PARPBP: variants seen among roughly 807,000 people sequenced by gnomAD.
PARPBP encodes PARP1 binding protein, also known as PCNA-interacting partner.
Under a neutral mutation model 50.0 loss-of-function variants are expected in PARPBP, and 52 were observed. That is an observed-to-expected ratio of 1.04 (90% CI 0.83 to 1.31). PARPBP has a LOEUF of 1.31. PARPBP is among the 50% of genes most tolerant of loss of function. The pLI is 0.00. For missense variants in PARPBP, 697 were observed against 672.0 expected (o/e 1.04, Z -0.41); for synonymous variants, 244 against 232.1 (o/e 1.05, Z -0.47).
chr12:102,189,104 G>C (rs1308120746), intron 9 of PARPBP, among the ~76,000 whole-genome samples: 2 of 152,182 alleles, frequency 1.3e-5, no homozygotes, highest in African/African-American at 4.8e-5. Context: ...AAATAGGGTA[G>C]AAACAATATT....
At chr12:102,179,274 A>G (rs1889596858) in intron 8 of PARPBP, among the ~76,000 whole-genome samples, 1 of 152,236 alleles carries the variant, frequency 6.6e-6, no homozygotes, top group Non-Finnish European at 1.5e-5. Flanking sequence ...GAGAGAGCAC[A>G]TACACCAAAC....
chr12:102,173,602 T>A (rs1509676), intron 6 of PARPBP, among the ~76,000 whole-genome samples: 20,305 of 151,574 alleles, frequency 0.13, 1,472 homozygotes, highest in East Asian at 0.3. Flanking sequence ...GATTTTTTTT[T>A]AAAAAAAACT....
intron 2 of PARPBP, 95 bp from the exon 3 acceptor site, chr12:102,148,135 C>T: frequency 1.8e-6 from 1 of 545,688 alleles, no homozygotes; most frequent in Non-Finnish European, 3.1e-6. Context: ...TAGACTTTAC[C>T]AAAATTTAAT....
intron 1 of PARPBP, among the ~76,000 whole-genome samples, chr12:102,122,281 T>G (rs2136937151): frequency 6.6e-6 from 1 of 152,352 alleles, no homozygotes; most frequent in African/African-American, 2.4e-5. Context: ...CTTAGCTATT[T>G]ACTAGGATTT....
intron 9 of PARPBP, among the ~76,000 whole-genome samples, chr12:102,194,280 G>C (rs1171031475): frequency 1.3e-5 from 2 of 151,836 alleles, no homozygotes; most frequent in Non-Finnish European, 2.9e-5. Flanking sequence ...GTAATAATCA[G>C]GGTAATGTAG....
intron 6 of PARPBP, among the ~76,000 whole-genome samples, chr12:102,168,765 A>G (rs1888403829): frequency 6.6e-6 from 1 of 152,096 alleles, no homozygotes; most frequent in Non-Finnish European, 1.5e-5. Flanking sequence ...GAAAGTGGAT[A>G]ACCCATTTGG....
At chr12:102,123,802 C>G in intron 1 of PARPBP, 84 bp from the exon 2 acceptor site, 1 of 804,980 alleles carries the variant, frequency 1.2e-6, no homozygotes, top group East Asian at 2.8e-5. Flanking sequence ...ATGTTTTTCT[C>G]TATCTGTGCT....
intron 2 of PARPBP, among the ~76,000 whole-genome samples, chr12:102,141,395 G>C (rs1046411490): frequency 3.3e-5 from 5 of 151,850 alleles, no homozygotes; most frequent in Non-Finnish European, 7.4e-5. Context: ...ATGTGAGATG[G>C]GTCTCCTGAA....
intron 3 of PARPBP, among the ~76,000 whole-genome samples, chr12:102,153,288 T>C (rs1288432797): frequency 6.6e-6 from 1 of 152,118 alleles, no homozygotes; most frequent in African/African-American, 2.4e-5. Flanking sequence ...ACCTATGAGT[T>C]TTGGATGAGA....
At chr12:102,195,128 G>T (rs1378606545) in intron 9 of PARPBP, among the ~76,000 whole-genome samples, 184 bp from the exon 10 acceptor site, 1 of 151,532 alleles carries the variant, frequency 6.6e-6, no homozygotes, top group African/African-American at 2.4e-5. Flanking sequence ...AAAAATGCTA[G>T]CCATAACAAT....
chr12:102,153,787 A>G (rs899744172), intron 3 of PARPBP, 82 bp from the exon 4 acceptor site: 9 of 728,374 alleles, frequency 1.2e-5, no homozygotes, highest in South Asian at 6.5e-5. Flanking sequence ...TGAAACATCA[A>G]TGACACTGAG....
Position 102,175,661 on chromosome 12 carries a change from G to A in PARPBP, c.1000G>A (p.Ala334Thr). 6.3e-7 allele frequency: 1 copy of A among 1,586,268 alleles called. No individual in the cohort carries two copies. The highest frequency in any genetic ancestry group is 8.6e-7 in the Non-Finnish European group (1 of 1,164,636). The change falls in exon 7 of 11, where the codon GCT becomes ACT. Residue 334 changes from alanine to threonine, a missense_variant. By Grantham distance (58) the Ala-to-Thr change is moderately conservative. Coordinates refer to ENST00000327680, the MANE Select transcript of PARPBP (RefSeq NM_017915.5). ...VALSTTDISP[A>T]RPKSHAINHG... ...TCTTAGCACCACTGACATCAGTCCT[G>A]CTCGGGTAATGAGCTTTTTATTTTT...
chr12:102,188,849 C>CA (rs1301859441), intron 9 of PARPBP, among the ~76,000 whole-genome samples: 2 of 151,426 alleles, frequency 1.3e-5, no homozygotes, highest in Non-Finnish European at 1.5e-5. Context: ...TGACATAGAA[C>CA]AAAAAAGATA....
Position 102,195,446 on chromosome 12 carries a change from T to C in PARPBP, c.1398T>C (p.Ser466=). 3 of 1,583,970 alleles carry C rather than the reference T, an allele frequency of 1.9e-6. No homozygotes were observed. Among genetic ancestry groups the C allele is most frequent in the Non-Finnish European group, 2.6e-6 (3 of 1,162,052 alleles). ...TTCTTTACATGGAAAATGACCTTTC[T>C]GGTAATTGACCTTATTTGTGCAATT... ...LCVLYMENDL[S]EGVNPSVGRS... Residue 466 remains serine (S), a splice_region_variant and synonymous_variant, in exon 10 of 11, where the codon TCT becomes TCC. Transcript: ENST00000327680.
intron 9 of PARPBP, among the ~76,000 whole-genome samples, chr12:102,193,248 AAGT>A (rs1369800298): frequency 6.6e-6 from 1 of 151,918 alleles, no homozygotes; most frequent in African/African-American, 2.4e-5. Context: ...AAATTAATAA[AAGT>A]AACAAAACAT....
rs1889533997 is a variant in PARPBP, at chr12:102,178,682, A to G, written c.1096A>G (p.Asn366Asp). The G allele has an allele frequency of 2.5e-6, 4 of 1,613,188 alleles. No homozygotes were observed. In the South Asian group the frequency reaches 4.4e-5, roughly 18 times the overall value. ...LLVLLDEEAA[N>D]APTKNKAELL... is the part of the protein sequence containing the mutation. ...AGTTCTTTTGGACGAAGAAGCAGCT[A>G]ATGCTCCTACCAAAAACAAAGCAGA... The change falls in exon 8 of 11, where the codon AAT becomes GAT. Residue 366 changes from asparagine (N) to aspartate (D), a missense_variant. Physicochemically the swap from Asn to Asp is conservative, Grantham distance 23. Transcript: ENST00000327680.
chr12:102,148,523 G>A (rs1305349185), intron 3 of PARPBP, 60 bp downstream of exon 3: 1 of 646,420 alleles, frequency 1.5e-6, no homozygotes, highest in African/African-American at 1.9e-5. Flanking sequence ...TATTTATTTT[G>A]AATTATAGTA....
At chr12:102,180,264 C>T (rs1296324794) in intron 8 of PARPBP, among the ~76,000 whole-genome samples, 2 of 152,158 alleles carry the variant, frequency 1.3e-5, no homozygotes, top group Non-Finnish European at 2.9e-5. Flanking sequence ...CTCTTTTCAT[C>T]TTACTTCTGT....
chr12:102,192,850 A>G (rs1890921235), intron 9 of PARPBP, among the ~76,000 whole-genome samples: 1 of 151,990 alleles, frequency 6.6e-6, no homozygotes, highest in Admixed American at 6.6e-5. Flanking sequence ...GTGGTAATTG[A>G]TTAAAAAAAA....
Sources: gnomAD v4.1 joint callset for allele counts (sites outside exome capture counted in the v4.1 genomes callset) on GRCh38, gnomAD v4.1.1 for gene constraint, MANE v1.5 for transcripts, NCBI Gene and HGNC (gene_info 2026-07-23, HGNC 2026-07-21) for gene names.